Variants in GSTM1 observed in about 807,000 individuals in gnomAD.
The protein encoded by GSTM1 is glutathione S-transferase mu 1.
A neutral mutation model predicts 17.3 loss-of-function variants in GSTM1; 6 were observed. That is an observed-to-expected ratio of 0.35 (90% confidence interval 0.19 to 0.68). The LOEUF is 0.68. Ranked by LOEUF, GSTM1 falls within the 30% of genes least tolerant of loss-of-function variation. GSTM1 has a pLI of 0.65. For missense variants in GSTM1, 62 were observed against 155.9 expected, an observed-to-expected ratio of 0.40 and a Z score of 3.21; for synonymous variants, 20 against 53.6, an observed-to-expected ratio of 0.37 and a Z score of 2.74.
intron 7 of GSTM1, among the ~76,000 whole-genome samples, chr1:109,692,778 C>A (rs1446097738): frequency 1.2e-5 from 1 of 80,144 alleles, no homozygotes; most frequent in African/African-American, 3.5e-5. Flanking sequence ...AGGAAGAGGC[C>A]AGAACTGGAG....
rs554038192 is a variant in GSTM1, at chr1:109,689,764, G to A, written c.360+439G>A. Among the ~76,000 whole-genome samples, 2 of 80,230 alleles carry A rather than the reference G, an allele frequency of 2.5e-5. 1 individual carries two copies. Among genetic ancestry groups the A allele is most frequent in the Admixed American group, 2.7e-4 (2 of 7,428 alleles). The allele number at this position is 80,230 out of a possible 152,430, so 52.6% of individuals were successfully genotyped here. On this transcript the variant is annotated intron_variant, in intron 5 of 7. Coordinates refer to ENST00000309851, the MANE Select transcript of GSTM1 (RefSeq NM_000561.4). The stretch of plus-strand genomic sequence containing the variant: ...CTGTCATTGACATGCACAGGGATCT[G>A]CGCATTTTCATAACAGACAGCTCAG...
In GSTM1 at chr1:109,692,937, T is replaced by C. The variant is rs1426159755; in HGVS notation, c.568-269T>C. On this transcript the variant is annotated intron_variant, in intron 7 of 7. Transcript: ENST00000309851. The stretch of plus-strand genomic sequence containing the variant: ...GTCGAGTGGGTTTTCTAAGCTTACG[T>C]TGTAATTTCTCTTGGGTACAGAGCA... Among the ~76,000 whole-genome samples, 3 of 81,422 alleles carry C rather than the reference T, an allele frequency of 3.7e-5. 1 individual carries two copies. The highest frequency in any genetic ancestry group is 1.0e-4 in the African/African-American group (3 of 28,620). 53.4% of individuals were successfully genotyped at this position (81,422 alleles called of 152,430 possible).
Position 109,688,334 on chromosome 1 carries a change from G to T in GSTM1, c.112+89G>T. 2.9e-6 allele frequency: 2 copies of T among 680,102 alleles called. 1 individual carries two copies. The highest frequency in any genetic ancestry group is 4.5e-6 in the Non-Finnish European group (2 of 447,230). 42.1% of individuals were successfully genotyped at this position (680,102 alleles called of 1,614,324 possible). A position where few individuals can be genotyped will look rare whatever the true frequency, so the allele number is the denominator to read the frequency against. On this transcript the variant is annotated intron_variant, in intron 2 of 7. Coordinates refer to ENST00000309851, the MANE Select transcript of GSTM1 (RefSeq NM_000561.4). ...GTGGCCACCTGTGGCTGCCTCTGCA[G>T]GCCTCCCCTGCTGGAGCTGCAGGCT...
intron 7 of GSTM1, among the ~76,000 whole-genome samples, chr1:109,692,058 C>CTT (rs397894870): frequency 8.6e-5 from 3 of 34,888 alleles, no homozygotes; most frequent in Admixed American, 3.4e-4. Context: ...AGTCCTGGAT[C>CTT]TTTTTTTTTT....
Position 109,688,757 on chromosome 1 carries a change from C to A in GSTM1, c.177+20C>A, listed in dbSNP as rs759283507. ...CCCAATGTAGGTGCAGGGGAAGGGG[C>A]GGTTTTGGGGGAAAGTGCAACGTGT... On this transcript the variant is annotated intron_variant, in intron 3 of 7. Transcript: ENST00000309851. The A allele has an allele frequency of 2.5e-6, 2 of 785,366 alleles. 1 individual carries two copies. The highest frequency in any genetic ancestry group is 3.7e-5 in the South Asian group (2 of 54,292). The allele number at this position is 785,366 out of a possible 1,614,324, so 48.6% of individuals were successfully genotyped here.
Position 109,692,076 on chromosome 1 carries a change from T to C in GSTM1, c.568-1130T>C, listed in dbSNP as rs1364441940. 7.2e-5 allele frequency among the ~76,000 whole-genome samples: 5 copies of C among 69,086 alleles called. 1 individual carries two copies. Among genetic ancestry groups the C allele is most frequent in the African/African-American group, 2.1e-4 (5 of 24,198 alleles). 45.3% of individuals were successfully genotyped at this position (69,086 alleles called of 152,430 possible). ...CCTGGATCTTTTTTTTTTTTTTTTTTTTGAGATCGTGTCTTGCTGTTGCCC... is the reference window on the plus strand; with the variant it reads ...CCTGGATCTTTTTTTTTTTTTTTTTCTTGAGATCGTGTCTTGCTGTTGCCC... On this transcript the variant is annotated intron_variant, in intron 7 of 7. Transcript: ENST00000309851.
rs1239099407 is a variant in GSTM1 at position 109,691,763 on chromosome 1, AC to A, written c.567+1200del. ...CAGGCCCGGGGCCTGCCCCTCACTC[AC>A]GGGGAACCATCCCTCACCCTTGCTG... is the stretch of plus-strand genomic sequence containing the variant. On this transcript the variant is annotated intron_variant, in intron 7 of 7. Coordinates refer to ENST00000309851, the MANE Select transcript of GSTM1 (RefSeq NM_000561.4). 2.4e-5 allele frequency among the ~76,000 whole-genome samples: 2 copies of A among 82,194 alleles called. 1 individual carries two copies. Among genetic ancestry groups the A allele is most frequent in the Non-Finnish European group, 6.3e-5 (2 of 31,664 alleles). 53.9% of individuals were successfully genotyped at this position (82,194 alleles called of 152,430 possible).
chr1:109,688,428 G>A, intron 2 of GSTM1, 183 bp downstream of exon 2: 1 of 403,464 alleles, frequency 2.5e-6, no homozygotes, highest in Non-Finnish European at 4.6e-6. Context: ...GTGGGATGCT[G>A]GGCCCCCTGT....
Position 109,688,912 on chromosome 1 carries a change from G to T in GSTM1, c.178-136G>T. 2 of 498,002 alleles carry T rather than the reference G, an allele frequency of 4.0e-6. 1 individual carries two copies. Among genetic ancestry groups the T allele is most frequent in the South Asian group, 4.2e-5 (2 of 47,174 alleles). 30.8% of individuals were successfully genotyped at this position (498,002 alleles called of 1,614,324 possible). A position where few individuals can be genotyped will look rare whatever the true frequency, so the allele number is the denominator to read the frequency against. On this transcript the variant is annotated intron_variant, in intron 3 of 7. Transcript: ENST00000309851. ...TGTGTCCACCTGCATTCGTTCATGT[G>T]ACAGTATTCTTATTTCAGTCCTGCC...
rs1286568345 is a variant in GSTM1 at position 109,689,205 on chromosome 1, C to T, written c.260-20C>T. The T allele has an allele frequency of 2.5e-6, 2 of 793,374 alleles. 1 individual carries two copies. The highest frequency in any genetic ancestry group is 3.7e-5 in the South Asian group (2 of 54,486). The allele number at this position is 793,374 out of a possible 1,614,324, so 49.1% of individuals were successfully genotyped here. On this transcript the variant is annotated intron_variant, in intron 4 of 7. Transcript: ENST00000309851. Reference sequence around the variant, plus strand: ...CTGGGCTGTGATGCTGAGATTGAGTCTGTGTTTTGTGGGTGGCAGGTGGGG... The same window carrying T: ...CTGGGCTGTGATGCTGAGATTGAGTTTGTGTTTTGTGGGTGGCAGGTGGGG...
In GSTM1 at chr1:109,687,860, C is replaced by A; in HGVS notation, c.-14C>A. On this transcript the variant is annotated 5_prime_UTR_variant, in exon 1 of 8. Transcript: ENST00000309851. ...GGTTTAGGCCTGTCTGCGGAATCCG[C>A]ACCAACCAGCACCATGCCCATGATA... is the stretch of plus-strand genomic sequence containing the variant. The A allele has an allele frequency of 1.3e-6, 1 of 788,994 alleles. No homozygotes were observed. Among genetic ancestry groups the A allele is most frequent in the Non-Finnish European group, 1.8e-6 (1 of 544,330 alleles). The allele number at this position is 788,994 out of a possible 1,614,324, so 48.9% of individuals were successfully genotyped here.
In GSTM1 at chr1:109,688,037, C is replaced by CTG. The variant is rs1647998274; in HGVS notation, c.37-123_37-122dup. The CTG allele has an allele frequency of 1.3e-5, 10 of 745,096 alleles. 5 individuals are homozygous for CTG. In the East Asian group the frequency reaches 3.0e-4, roughly 22 times the overall value. 46.2% of individuals were successfully genotyped at this position (745,096 alleles called of 1,614,324 possible). On this transcript the variant is annotated intron_variant, in intron 1 of 7. Transcript: ENST00000309851. ...GCCTCAGAAGGGCCTGTGCATGCCG[C>CTG]TGTGTGTGTGTTGGGGGTGTGGGCG...
chr1:109,689,030 G>A lies in GSTM1; in HGVS notation c.178-18G>A, dbSNP rs111789423. ...CCTGGTGGCCCAACTGAGCTTCGCC[G>A]GTTTCCCATCCATCCAGCTGCCCTA... On this transcript the variant is annotated intron_variant, in intron 3 of 7. Coordinates refer to ENST00000309851, the MANE Select transcript of GSTM1 (RefSeq NM_000561.4). The A allele has an allele frequency of 1.2e-4, 92 of 795,222 alleles. 33 individuals carry two copies. The African/African-American group carries it at 1.3e-3, about 11-fold the overall frequency. The allele number at this position is 795,222 out of a possible 1,614,324, so 49.3% of individuals were successfully genotyped here.
In GSTM1 at chr1:109,691,357, C is replaced by T. The variant is rs797015834; in HGVS notation, c.567+793C>T. Among the ~76,000 whole-genome samples the T allele has an allele frequency of 9.6e-5, 7 of 72,878 alleles. 3 individuals are homozygous for T. The highest frequency in any genetic ancestry group is 3.1e-4 in the Admixed American group (2 of 6,486). 47.8% of individuals were successfully genotyped at this position (72,878 alleles called of 152,430 possible). On this transcript the variant is annotated intron_variant, in intron 7 of 7. Coordinates refer to ENST00000309851, the MANE Select transcript of GSTM1 (RefSeq NM_000561.4). Reference sequence around the variant, plus strand: ...AAGCGATTCTACTGCCTCAGCTGCACGATTAGTTGGGATTACAGGTGTGCA... The same window carrying T: ...AAGCGATTCTACTGCCTCAGCTGCATGATTAGTTGGGATTACAGGTGTGCA...
Position 109,690,435 on chromosome 1 carries a change from T to TTCC in GSTM1, c.457-19_457-18insTCC. The TTCC allele has an allele frequency of 2.6e-6, 2 of 780,658 alleles. 1 individual carries two copies. The highest frequency in any genetic ancestry group is 3.7e-6 in the Non-Finnish European group (2 of 537,590). The allele number at this position is 780,658 out of a possible 1,614,324, so 48.4% of individuals were successfully genotyped here. A position where few individuals can be genotyped will look rare whatever the true frequency, so the allele number is the denominator to read the frequency against. On this transcript the variant is annotated intron_variant, in intron 6 of 7. Coordinates refer to ENST00000309851, the MANE Select transcript of GSTM1 (RefSeq NM_000561.4). ...CGTGTTATGGAGGTTCCAGCCCACA[T>TTCC]ATTCTTGGCCTTCTGCAGATCACTT... is the stretch of plus-strand genomic sequence containing the variant.
rs148598812 is a variant in GSTM1, at chr1:109,688,092, T to A, written c.37-78T>A. The A allele has an allele frequency of 5.9e-3, 4,720 of 796,060 alleles. 1,665 individuals carry two copies. The African/African-American group carries it at 0.062, about 10-fold the overall frequency. The allele number at this position is 796,060 out of a possible 1,614,324, so 49.3% of individuals were successfully genotyped here. A position where few individuals can be genotyped will look rare whatever the true frequency, so the allele number is the denominator to read the frequency against. On this transcript the variant is annotated intron_variant, in intron 1 of 7. Coordinates refer to ENST00000309851, the MANE Select transcript of GSTM1 (RefSeq NM_000561.4). Reference sequence around the variant, plus strand: ...GAGGAGGCAACGGGTACGTGCAGTGTAAACTGGGGGCTTCCCTGGTGCAGA... The same window carrying A: ...GAGGAGGCAACGGGTACGTGCAGTGAAAACTGGGGGCTTCCCTGGTGCAGA...
rs1205100076 is a variant in GSTM1 at position 109,689,984 on chromosome 1, G to A, written c.361-287G>A. Among the ~76,000 whole-genome samples, 150 of 81,632 alleles carry A rather than the reference G, an allele frequency of 1.8e-3. 52 individuals are homozygous for A. The highest frequency in any genetic ancestry group is 4.8e-3 in the African/African-American group (139 of 28,682). 53.6% of individuals were successfully genotyped at this position (81,632 alleles called of 152,430 possible). On this transcript the variant is annotated intron_variant, in intron 5 of 7. Coordinates refer to ENST00000309851, the MANE Select transcript of GSTM1 (RefSeq NM_000561.4). Reference sequence around the variant, plus strand: ...GATCCAGAGGCTGCCAGGTGCTTGGGCGCTCCTGGGGCTGACCCAGAGGCT... The same window carrying A: ...GATCCAGAGGCTGCCAGGTGCTTGGACGCTCCTGGGGCTGACCCAGAGGCT...
chr1:109,691,172 G>A (rs1476238894), intron 7 of GSTM1, among the ~76,000 whole-genome samples: 1 of 77,112 alleles, frequency 1.3e-5, no homozygotes, highest in African/African-American at 3.7e-5. Flanking sequence ...CCTGTTGAAG[G>A]AGTATATGTT....
intron 7 of GSTM1, among the ~76,000 whole-genome samples, chr1:109,692,878 G>C (rs78997293): frequency 0.022 from 1,760 of 79,870 alleles, 296 homozygotes; most frequent in African/African-American, 0.057. Flanking sequence ...TCCCACATGA[G>C]AAATGGTGAT....
Sources: gnomAD v4.1 joint callset for allele counts (sites outside exome capture counted in the v4.1 genomes callset) on GRCh38, gnomAD v4.1.1 for gene constraint, MANE v1.5 for transcripts, NCBI Gene and HGNC (gene_info 2026-07-23, HGNC 2026-07-21) for gene names.